PPP2R2B: variants seen among roughly 807,000 people sequenced by gnomAD.
PPP2R2B encodes the protein serine/threonine-protein phosphatase 2A 55 kDa regulatory subunit B beta isoform.
PPP2R2B carries 5 observed loss-of-function variants against 46.0 expected under a neutral mutation model. The ratio of observed to expected loss-of-function variants is 0.11; its 90% CI spans 0.06 to 0.23. The LOEUF (loss-of-function observed/expected upper bound fraction) is 0.23. PPP2R2B is among the 10% of genes least tolerant of loss of function. The pLI, the probability that PPP2R2B is intolerant of heterozygous loss-of-function variation, is 1.00. For missense variants in PPP2R2B, 367 were observed against 575.0 expected (o/e 0.64, Z 3.70); for synonymous variants, 215 against 206.7 (o/e 1.04, Z -0.34).
At chr5:146,742,815 G>C (rs896453411) in intron 2 of PPP2R2B, among the ~76,000 whole-genome samples, 3 of 152,190 alleles carry the variant, frequency 2.0e-5, no homozygotes, top group Admixed American at 1.3e-4. Flanking sequence ...TTATAAAAAG[G>C]GGAAACTGAA....
chr5:146,796,757 C>T (rs1409313945), intron 2 of PPP2R2B, among the ~76,000 whole-genome samples: 2 of 152,132 alleles, frequency 1.3e-5, no homozygotes, highest in Non-Finnish European at 2.9e-5. Flanking sequence ...CTGCCAAAAA[C>T]CATTATTTGT....
rs1757414468 is a variant in PPP2R2B at position 147,066,349 on chromosome 5, TATTA to T, written c.50+14706_50+14709del. On this transcript the variant is annotated intron_variant, in intron 2 of 10. Coordinates refer to the PPP2R2B transcript ENST00000394413. ...TGCTGCATTGTAAATTCTTTACATGTATTAGCTAATTTAATCCTCACAAGAGCCC... is the reference window on the plus strand; with the variant it reads ...TGCTGCATTGTAAATTCTTTACATGTGCTAATTTAATCCTCACAAGAGCCC... Among the ~76,000 whole-genome samples the T allele has an allele frequency of 3.9e-5, 6 of 152,186 alleles. No homozygotes were observed. The South Asian group carries it at 1.2e-3, about 32-fold the overall frequency.
At chr5:146,654,339 G>GT (rs1362914001) in intron 5 of PPP2R2B, among the ~76,000 whole-genome samples, 10 of 152,194 alleles carry the variant, frequency 6.6e-5, no homozygotes, top group Non-Finnish European at 1.5e-4. Flanking sequence ...TCTGAAGCCA[G>GT]TTAATTTGGT....
At chr5:147,015,290 A>G (rs888068109) in intron 1 of PPP2R2B, among the ~76,000 whole-genome samples, 1 of 151,616 alleles carries the variant, frequency 6.6e-6, no homozygotes, top group African/African-American at 2.4e-5. Flanking sequence ...TTGAATTTAT[A>G]TGACTGTAAA....
At chr5:147,034,285 T>C (rs1304866860) in intron 1 of PPP2R2B, among the ~76,000 whole-genome samples, 1 of 152,226 alleles carries the variant, frequency 6.6e-6, no homozygotes, top group Admixed American at 6.5e-5. Context: ...ACTCAATCTT[T>C]CATTATCACA....
At chr5:146,970,511 G>A (rs1213544072) in intron 1 of PPP2R2B, among the ~76,000 whole-genome samples, 1 of 152,020 alleles carries the variant, frequency 6.6e-6, no homozygotes, top group Non-Finnish European at 1.5e-5. Context: ...CATGGGAATT[G>A]CTTAAACCTG....
At chr5:146,949,184 T>C (rs1764578899) in intron 1 of PPP2R2B, among the ~76,000 whole-genome samples, 1 of 152,018 alleles carries the variant, frequency 6.6e-6, no homozygotes, top group South Asian at 2.1e-4. Flanking sequence ...AGAATAGTTT[T>C]TTTTTACAAT....
chr5:146,893,240 T>C (rs979669525), intron 1 of PPP2R2B, among the ~76,000 whole-genome samples: 1 of 152,222 alleles, frequency 6.6e-6, no homozygotes, highest in Non-Finnish European at 1.5e-5. Flanking sequence ...GAACTTCATA[T>C]ACAAAAATGA....
At chr5:146,973,129 G>A (rs1229664726) in intron 1 of PPP2R2B, among the ~76,000 whole-genome samples, 2 of 152,196 alleles carry the variant, frequency 1.3e-5, no homozygotes, top group South Asian at 4.2e-4. Flanking sequence ...TCTACCTGGA[G>A]TTTATTTAGG....
At chr5:146,713,687 C>T (rs1780329889) in intron 2 of PPP2R2B, among the ~76,000 whole-genome samples, 1 of 151,960 alleles carries the variant, frequency 6.6e-6, no homozygotes, top group African/African-American at 2.4e-5. Flanking sequence ...TGAAAGTTGA[C>T]CTGTGAGGAT....
intron 1 of PPP2R2B, among the ~76,000 whole-genome samples, chr5:147,042,776 T>C (rs1038034016): frequency 6.6e-6 from 1 of 151,990 alleles, no homozygotes; most frequent in Non-Finnish European, 1.5e-5. Flanking sequence ...ATGGGAGGTG[T>C]GCTTTTCAGA....
At chr5:147,018,043 GCACACA>G (rs60161356) in intron 1 of PPP2R2B, among the ~76,000 whole-genome samples, 183 of 48,266 alleles carry the variant, frequency 3.8e-3, no homozygotes, top group East Asian at 0.011. Context: ...GCATGCGCGC[GCACACA>G]CACACACACA....
At chr5:146,601,220 A>AG (rs1771751322) in intron 7 of PPP2R2B, among the ~76,000 whole-genome samples, 1 of 152,186 alleles carries the variant, frequency 6.6e-6, no homozygotes, top group African/African-American at 2.4e-5. Context: ...TTTAGCTGCT[A>AG]GGAATAACAC....
At chr5:146,734,920 A>G (rs1581981853) in intron 2 of PPP2R2B, among the ~76,000 whole-genome samples, 1 of 152,256 alleles carries the variant, frequency 6.6e-6, no homozygotes. Context: ...CACTTTTATT[A>G]CCCGCCCCTT....
At chr5:146,622,903 T>A (rs1040797770) in intron 7 of PPP2R2B, among the ~76,000 whole-genome samples, 1 of 152,358 alleles carries the variant, frequency 6.6e-6, no homozygotes, top group African/African-American at 2.4e-5. Flanking sequence ...TCAGGAATAC[T>A]TCCAGGAGAA....
intron 2 of PPP2R2B, among the ~76,000 whole-genome samples, chr5:146,749,366 T>C (rs1753393943): frequency 6.6e-6 from 1 of 152,230 alleles, no homozygotes; most frequent in South Asian, 2.1e-4. Flanking sequence ...CTAAACAGAA[T>C]CTTTGGCTGA....
At chr5:146,951,028 T>C (rs1027536061) in intron 1 of PPP2R2B, among the ~76,000 whole-genome samples, 1 of 151,954 alleles carries the variant, frequency 6.6e-6, no homozygotes, top group Non-Finnish European at 1.5e-5. Context: ...AAATTTGAGA[T>C]TTTTCATGAT....
chr5:146,682,874 A>G (rs889029101), intron 5 of PPP2R2B, among the ~76,000 whole-genome samples: 16 of 152,324 alleles, frequency 1.1e-4, no homozygotes, highest in African/African-American at 3.6e-4. Context: ...CATTTTGATA[A>G]TAATGTTGTC....
chr5:146,791,822 TTTC>T (rs1360346851), intron 2 of PPP2R2B, among the ~76,000 whole-genome samples: 2 of 152,184 alleles, frequency 1.3e-5, no homozygotes, highest in Non-Finnish European at 2.9e-5. Flanking sequence ...AACCCATTCT[TTTC>T]TTCTTCTGCC....
Sources: allele counts gnomAD v4.1 joint callset (sites outside exome capture counted in the v4.1 genomes callset), GRCh38; gene constraint gnomAD v4.1.1; transcripts MANE v1.5; gene names NCBI Gene and HGNC (gene_info 2026-07-23, HGNC 2026-07-21).